Variants in HJURP observed in about 807,000 individuals in gnomAD.
The protein encoded by HJURP is Holliday junction recognition protein.
A neutral mutation model predicts 72.0 loss-of-function variants in HJURP; 49 were observed. The observed-to-expected ratio is 0.68, with a 90% CI of 0.54 to 0.86. The LOEUF (loss-of-function observed/expected upper bound fraction) is 0.86. Ranked by LOEUF, HJURP falls within the 40% of genes least tolerant of loss-of-function variation. HJURP has a pLI of 0.00. For synonymous variants in HJURP, 357 were observed against 347.1 expected (o/e 1.03, Z -0.32); for missense variants, 908 against 936.3 (o/e 0.97, Z 0.39).
chr2:233,848,577 C>G (rs1216560033), intron 4 of HJURP, among the ~76,000 whole-genome samples: 1 of 152,142 alleles, frequency 6.6e-6, no homozygotes, highest in African/African-American at 2.4e-5. Flanking sequence ...GAGGCAGAGG[C>G]TGAGATGAAG....
intron 2 of HJURP, 77 bp downstream of exon 2, chr2:233,853,767 A>C (rs932831123): frequency 1.6e-5 from 19 of 1,211,134 alleles, no homozygotes; most frequent in Non-Finnish European, 2.3e-5. Context: ...TTACTTCTTA[A>C]GAGAGCAGGG....
Position 233,840,950 on chromosome 2 carries a change from A to G in HJURP, c.1830T>C (p.Asp610=), listed in dbSNP as rs1185452996. Reference sequence around the variant, plus strand: ...GATATCGAACTTCCATACTTGCTTTATCTGTAGACACTCCAATACATAAAG... The same window carrying G: ...GATATCGAACTTCCATACTTGCTTTGTCTGTAGACACTCCAATACATAAAG... ...TVPLCIGVST[D]KASMEVRYQT... Residue 610 remains aspartate, a synonymous_variant, in exon 8 of 9, where the codon GAT becomes GAC. Transcript: ENST00000411486. 1.9e-6 allele frequency: 3 copies of G among 1,614,166 alleles called. No homozygotes were observed. The highest frequency in any genetic ancestry group is 2.5e-6 in the Non-Finnish European group (3 of 1,180,044).
intron 4 of HJURP, among the ~76,000 whole-genome samples, chr2:233,849,287 G>A (rs1275310624): frequency 2.0e-5 from 3 of 152,090 alleles, no homozygotes; most frequent in Non-Finnish European, 2.9e-5. Flanking sequence ...AAATACCGAC[G>A]GATGGATCCA....
At chr2:233,847,561 A>G in intron 4 of HJURP, 100 bp from the exon 5 acceptor site, 1 of 979,336 alleles carries the variant, frequency 1.0e-6, no homozygotes. Flanking sequence ...GTTGTACAGT[A>G]AAAATCCCCA....
intron 4 of HJURP, among the ~76,000 whole-genome samples, chr2:233,848,608 G>C (rs138281250): frequency 6.6e-6 from 1 of 152,188 alleles, no homozygotes; most frequent in Non-Finnish European, 1.5e-5. Context: ...TCTGGCTAAC[G>C]CTAGAGGGAA....
At chr2:233,842,293 G>T (rs1167871373) in intron 7 of HJURP, 88 bp from the exon 8 acceptor site, 2 of 1,188,686 alleles carry the variant, frequency 1.7e-6, no homozygotes, top group Non-Finnish European at 2.4e-6. Flanking sequence ...GATTGGATCA[G>T]GACTATGTTT....
At chr2:233,853,521 T>C (rs969975653) in intron 2 of HJURP, among the ~76,000 whole-genome samples, 31 of 152,186 alleles carry the variant, frequency 2.0e-4, no homozygotes, top group African/African-American at 6.5e-4. Flanking sequence ...GGAGACATTA[T>C]TGTCATCATC....
chr2:233,845,667 C>T (rs1705343955), intron 6 of HJURP, 61 bp downstream of exon 6: 4 of 1,049,294 alleles, frequency 3.8e-6, no homozygotes, highest in Admixed American at 2.0e-5. Flanking sequence ...TAACACTGTA[C>T]CTCAATGTAT....
chr2:233,844,210 G>A lies in HJURP; in HGVS notation c.569C>T (p.Ala190Val). The A allele has an allele frequency of 6.2e-7, 1 of 1,613,786 alleles. No individual in the cohort carries two copies. The highest frequency in any genetic ancestry group is 8.5e-7 in the Non-Finnish European group (1 of 1,179,650). The change falls in exon 7 of 9, where the codon GCC becomes GTC. Residue 190 changes from alanine to valine, a missense_variant. By Grantham distance (64) the Ala-to-Val change is moderately conservative (BLOSUM62 0). Coordinates refer to ENST00000411486, the MANE Select transcript of HJURP (RefSeq NM_018410.5). ...AGTTTCTATGTCACACTCACCGGGGGCAGGCACGGCAGGTGAGGCCAGTGA... is the reference window on the plus strand; with the variant it reads ...AGTTTCTATGTCACACTCACCGGGGACAGGCACGGCAGGTGAGGCCAGTGA... ...LPSLASPAVP[A>V]PGYCSRISRK...
intron 1 of HJURP, 117 bp from the exon 2 acceptor site, chr2:233,854,027 GCGGTCTCT>G: frequency 1.2e-6 from 1 of 847,204 alleles, no homozygotes; most frequent in Non-Finnish European, 1.9e-6. Context: ...CGCCCCAAAC[GCGGTCTCT>G]GCAGCGGAGC....
At chr2:233,842,671 T>TAACTG (rs59215286) in intron 7 of HJURP, among the ~76,000 whole-genome samples, 151,079 of 152,012 alleles carry the variant, frequency 0.99, 75,081 homozygotes, top group Middle Eastern at 1. Context: ...GTTAAATTGA[T>TAACTG]AAAGAGAAAA....
At chr2:233,850,653 C>T (rs2124976355) in intron 3 of HJURP, among the ~76,000 whole-genome samples, 1 of 152,314 alleles carries the variant, frequency 6.6e-6, no homozygotes, top group Non-Finnish European at 1.5e-5. Flanking sequence ...TTGGGGCTAC[C>T]CAGGAGCACT....
chr2:233,844,956 T>C (rs1330703315), intron 6 of HJURP, among the ~76,000 whole-genome samples: 1 of 150,302 alleles, frequency 6.7e-6, no homozygotes, highest in East Asian at 1.9e-4. Flanking sequence ...CCACCTCTCA[T>C]GCCATCACAT....
At position 233,847,413 on chromosome 2, in the gene HJURP, A is replaced by C. The variant is rs200818956; in HGVS notation, c.386T>G (p.Val129Gly). 2.2e-5 allele frequency: 35 copies of C among 1,614,050 alleles called. No individual in the cohort carries two copies. In the African/African-American group the frequency reaches 4.7e-4, roughly 22 times the overall value. Residue 129 changes from valine (V) to glycine (G), a missense_variant, in exon 5 of 9, where the codon GTT (valine) becomes GGT (glycine). Transcript: ENST00000411486. ...VDATSDQEES[V>G]AWALAPAVPQ... is the part of the protein sequence containing the mutation. ...AGCACTTACTGCTAAGGCCCAAGCAACTGACTCTTCCTGGTCTGACGTGGC... is the reference window on the plus strand; with the variant it reads ...AGCACTTACTGCTAAGGCCCAAGCACCTGACTCTTCCTGGTCTGACGTGGC...
intron 3 of HJURP, 54 bp downstream of exon 3, chr2:233,852,511 A>G: frequency 1.5e-6 from 2 of 1,342,688 alleles, no homozygotes; most frequent in Non-Finnish European, 2.1e-6. Flanking sequence ...CTTTATTCAT[A>G]TGAATACTCC....
intron 1 of HJURP, 45 bp downstream of exon 1, chr2:233,854,339 C>G: frequency 1.4e-6 from 2 of 1,414,320 alleles, no homozygotes; most frequent in Non-Finnish European, 2.0e-6. Context: ...CAGCCTCACT[C>G]CGACACGCAG....
At position 233,846,543 on chromosome 2, in the gene HJURP, C is replaced by T. The variant is rs767827737; in HGVS notation, c.403-723G>A. 6.6e-5 allele frequency among the ~76,000 whole-genome samples: 10 copies of T among 152,164 alleles called. No homozygotes were observed. Among genetic ancestry groups the T allele is most frequent in the African/African-American group, 9.7e-5 (4 of 41,434 alleles). On this transcript the variant is annotated intron_variant, in intron 5 of 8. Transcript: ENST00000411486. The surrounding 1 kb of genome is among the most constrained non-coding windows in gnomAD (Gnocchi z 4.3). ...GCTAGACACTGGAAATAGAGGGCGT[C>T]ACCCTCTATCCTCTGCTGAGTGGGG...
In HJURP at chr2:233,841,986, G is replaced by A; in HGVS notation, c.794C>T (p.Ala265Val). The change falls in exon 8 of 9, where the codon GCA becomes GTA. Residue 265 changes from alanine (A) to valine (V), a missense_variant. By Grantham distance (64) the Ala-to-Val change is moderately conservative. Transcript: ENST00000411486. ...CCGGCTCATGGAGTGCAGCATCCCT[G>A]CGTACAGGTCACTGATGGTCACATT... Reference protein sequence around the residue: ...ICNVTISDLYAGMLHSMSRLL... With the variant: ...ICNVTISDLYVGMLHSMSRLL... The A allele has an allele frequency of 6.2e-7, 1 of 1,614,212 alleles. No homozygotes were observed. The highest frequency in any genetic ancestry group is 8.5e-7 in the Non-Finnish European group (1 of 1,180,040).
At chr2:233,853,635 C>T (rs1248812595) in intron 2 of HJURP, among the ~76,000 whole-genome samples, 2 of 152,170 alleles carry the variant, frequency 1.3e-5, no homozygotes, top group Admixed American at 1.3e-4. Flanking sequence ...CCCGGTAAGC[C>T]GGAGGCATGT....
Sources: gnomAD v4.1 joint callset for allele counts (sites outside exome capture counted in the v4.1 genomes callset) on GRCh38, gnomAD v4.1.1 for gene constraint, Gnocchi (gnomAD v3.1) non-coding constraint, MANE v1.5 for transcripts, NCBI Gene and HGNC (gene_info 2026-07-23, HGNC 2026-07-21) for gene names.